Variants in VTI1A observed in about 807,000 individuals in gnomAD.
VTI1A encodes the protein vesicle transport through interaction with t-SNAREs 1A.
A neutral mutation model predicts 34.9 loss-of-function variants in VTI1A; 22 were observed. The ratio of observed to expected loss-of-function variants is 0.63; its 90% confidence interval spans 0.45 to 0.90. VTI1A has a LOEUF of 0.90. Ranked by LOEUF, VTI1A falls within the 40% of genes least tolerant of loss-of-function variation. VTI1A has a pLI of 0.00. For missense variants in VTI1A, 268 were observed against 275.6 expected (o/e 0.97, Z 0.20); for synonymous variants, 87 against 97.3 (o/e 0.89, Z 0.62).
At chr10:112,830,849 A>ATATATTTTTTT in the VTI1A span, among the ~76,000 whole-genome samples, 7 of 33,496 alleles carry the variant, frequency 2.1e-4, no homozygotes, top group African/African-American at 4.3e-4. Context: ...ATATATATAT[A>ATATATTTTTTT]TTTTTTTTTT....
At chr10:112,524,884 A>T (rs7081965) in intron 3 of VTI1A, among the ~76,000 whole-genome samples, 47,495 of 151,994 alleles carry the variant, frequency 0.31, 8,521 homozygotes, top group African/African-American at 0.5. Context: ...CCTTTAATGC[A>T]GTAAAATACT....
chr10:112,644,616 T>C (rs1357799043), intron 5 of VTI1A, among the ~76,000 whole-genome samples: 1 of 152,290 alleles, frequency 6.6e-6, no homozygotes, highest in South Asian at 2.1e-4. Context: ...TAAACATAAT[T>C]AGAGGAGAGA....
chr10:112,816,134 A>G lies in VTI1A; in HGVS notation c.*751A>G, dbSNP rs919952617. 64 of 219,642 alleles carry G rather than the reference A, an allele frequency of 2.9e-4. No individual in the cohort carries two copies. The highest frequency in any genetic ancestry group is 1.3e-3 in the African/African-American group (57 of 44,666). The allele number at this position is 219,642 out of a possible 1,614,324, so 13.6% of individuals were successfully genotyped here. ...CTGCTGGCAAAGTGAGCCCTGGTAC[A>G]GGATTTAATTGTGACCTCGTCTTCC... On this transcript the variant is annotated 3_prime_UTR_variant, in exon 8 of 8. Coordinates refer to ENST00000393077, the MANE Select transcript of VTI1A (RefSeq NM_145206.4).
chr10:112,460,533 A>T lies in VTI1A; in HGVS notation c.104A>T (p.Lys35Ile). The T allele has an allele frequency of 6.2e-7, 1 of 1,609,262 alleles. No individual in the cohort carries two copies. Among genetic ancestry groups the T allele is most frequent in the Middle Eastern group, 1.7e-4 (1 of 5,926 alleles). The change falls in exon 2 of 8, where the codon AAA becomes ATA. Residue 35 changes from lysine (K) to isoleucine (I), a missense_variant. Transcript: ENST00000393077. ...TTATTGTTTGTTTCAGATGAAAAGA[A>T]ACAGATGGTTGCAAATGTGGAGAAA... is the stretch of plus-strand genomic sequence containing the variant. Reference protein sequence around the residue: ...RVPRLPPDEKKQMVANVEKQL... With the variant: ...RVPRLPPDEKIQMVANVEKQL...
At chr10:112,549,611 A>G (rs926053452) in intron 5 of VTI1A, among the ~76,000 whole-genome samples, 5 of 152,226 alleles carry the variant, frequency 3.3e-5, no homozygotes, top group Non-Finnish European at 7.3e-5. Context: ...AAAATTGTCT[A>G]TAGAAATATT....
intron 7 of VTI1A, among the ~76,000 whole-genome samples, chr10:112,812,072 G>C (rs1213134): frequency 6.6e-6 from 1 of 152,014 alleles, no homozygotes; most frequent in Non-Finnish European, 1.5e-5. Context: ...TTGATGTTTC[G>C]GGCCCACATT....
intron 3 of VTI1A, among the ~76,000 whole-genome samples, chr10:112,484,476 G>A (rs1450946711): frequency 1.3e-5 from 2 of 152,122 alleles, no homozygotes; most frequent in Non-Finnish European, 2.9e-5. Context: ...CACCTCCTTT[G>A]TGAAGTCTTT....
chr10:112,458,040 G>A (rs1847599363), intron 1 of VTI1A, among the ~76,000 whole-genome samples: 1 of 152,196 alleles, frequency 6.6e-6, no homozygotes, highest in Non-Finnish European at 1.5e-5. Context: ...ATGGGAAGAT[G>A]AGGAAGGGAA....
chr10:112,475,395 C>A (rs1848246111), intron 3 of VTI1A, among the ~76,000 whole-genome samples: 1 of 152,170 alleles, frequency 6.6e-6, no homozygotes, highest in African/African-American at 2.4e-5. Flanking sequence ...ATGTCAGATT[C>A]CTGATTGAAT....
rs754963606 is a variant in VTI1A, at chr10:112,816,106, A to T, written c.*723A>T. 8 of 219,672 alleles carry T rather than the reference A, an allele frequency of 3.6e-5. No individual in the cohort carries two copies. The highest frequency in any genetic ancestry group is 2.7e-5 in the Non-Finnish European group (3 of 109,672). The allele number at this position is 219,672 out of a possible 1,614,324, so 13.6% of individuals were successfully genotyped here. Reference sequence around the variant, plus strand: ...CTTCCCCAAATCCCATACTCCCCAGAATCTGCTGGCAAAGTGAGCCCTGGT... The same window carrying T: ...CTTCCCCAAATCCCATACTCCCCAGTATCTGCTGGCAAAGTGAGCCCTGGT... On this transcript the variant is annotated 3_prime_UTR_variant, in exon 8 of 8. Transcript: ENST00000393077.
At chr10:112,700,122 AAAAAAAAAAAAAACAAAAC>A (rs1848952328) in intron 7 of VTI1A, among the ~76,000 whole-genome samples, 2 of 139,348 alleles carry the variant, frequency 1.4e-5, no homozygotes, top group Non-Finnish European at 3.0e-5. Context: ...CATCTCAAAA[AAAAAAAAAAAAAACAAAAC>A]AAAAAAAAAA....
At chr10:112,594,560 A>G (rs1174133793) in intron 5 of VTI1A, among the ~76,000 whole-genome samples, 1 of 152,062 alleles carries the variant, frequency 6.6e-6, no homozygotes, top group African/African-American at 2.4e-5. Context: ...CCCATTCACA[A>G]TTGCTTCAAA....
rs1046302233 is a variant in VTI1A at position 112,817,557 on chromosome 10, T to A, written c.*2174T>A. ...CTTGGCCTAACAGCTCCATCAAACC[T>A]CCTTGAGAGCAACTACCTAGGCCAG... On this transcript the variant is annotated 3_prime_UTR_variant, in exon 8 of 8. Coordinates refer to ENST00000393077, the MANE Select transcript of VTI1A (RefSeq NM_145206.4). 5 of 229,338 alleles carry A rather than the reference T, an allele frequency of 2.2e-5. No individual in the cohort carries two copies. The highest frequency in any genetic ancestry group is 5.7e-5 in the Admixed American group (1 of 17,652). The allele number at this position is 229,338 out of a possible 1,614,324, so 14.2% of individuals were successfully genotyped here.
chr10:112,538,169 G>C (rs1184117439), intron 4 of VTI1A, 77 bp from the exon 5 acceptor site: 5 of 1,313,428 alleles, frequency 3.8e-6, no homozygotes, highest in Non-Finnish European at 5.4e-6. Context: ...GCATACGAAG[G>C]CATTTTTTTT....
intron 7 of VTI1A, among the ~76,000 whole-genome samples, chr10:112,692,173 G>C (rs1359684506): frequency 6.6e-6 from 1 of 152,140 alleles, no homozygotes; most frequent in Non-Finnish European, 1.5e-5. Flanking sequence ...CTAGAGTGTA[G>C]ATTAAAATAA....
In VTI1A at chr10:112,717,599, C is replaced by T. The variant is rs530681887; in HGVS notation, c.560+48601C>T. ...GCATATGCTGGTTTGGGCAATCTTA[C>T]GGTATGGCAGCCTCAGACTTGGCAG... On this transcript the variant is annotated intron_variant, in intron 7 of 7. Coordinates refer to ENST00000393077, the MANE Select transcript of VTI1A (RefSeq NM_145206.4). 9.9e-5 allele frequency among the ~76,000 whole-genome samples: 15 copies of T among 152,232 alleles called. 1 individual carries two copies. The highest frequency in any genetic ancestry group is 2.6e-4 in the African/African-American group (11 of 41,534).
At chr10:112,664,213 A>C (rs969478213) in intron 5 of VTI1A, among the ~76,000 whole-genome samples, 36 of 152,326 alleles carry the variant, frequency 2.4e-4, no homozygotes, top group African/African-American at 8.4e-4. Flanking sequence ...GCATATTCCA[A>C]ATGACTAATT....
chr10:112,602,994 C>G (rs1397094049), intron 5 of VTI1A, among the ~76,000 whole-genome samples: 6 of 152,078 alleles, frequency 3.9e-5, no homozygotes, highest in Admixed American at 3.9e-4. Flanking sequence ...TCTGTGTCAC[C>G]TAGTTATCTG....
At position 112,618,957 on chromosome 10, in the gene VTI1A, A is replaced by C. The variant is rs1236394245; in HGVS notation, c.428-49261A>C. On this transcript the variant is annotated intron_variant, in intron 5 of 7. Transcript: ENST00000393077. ...GTTCACACAGCCTATCATGACAATCAACCAATTATTAATTAGCTGTCAGAT... is the reference window on the plus strand; with the variant it reads ...GTTCACACAGCCTATCATGACAATCCACCAATTATTAATTAGCTGTCAGAT... Among the ~76,000 whole-genome samples, 4 of 152,158 alleles carry C rather than the reference A, an allele frequency of 2.6e-5. No homozygotes were observed. The East Asian group carries it at 7.7e-4, about 29-fold the overall frequency.
Sources: allele counts gnomAD v4.1 joint callset (sites outside exome capture counted in the v4.1 genomes callset), GRCh38; gene constraint gnomAD v4.1.1; transcripts MANE v1.5; gene names NCBI Gene and HGNC (gene_info 2026-07-23, HGNC 2026-07-21).